Variants in NELL1 observed in about 807,000 individuals in gnomAD.
The protein encoded by NELL1 is protein kinase C-binding protein NELL1.
In NELL1, 76 loss-of-function variants were observed where a neutral mutation model predicts 107.4. The ratio of observed to expected loss-of-function variants is 0.71; its 90% CI spans 0.59 to 0.86. The LOEUF is 0.86. NELL1 is among the 40% of genes least tolerant of loss of function. The pLI is 0.00. For missense variants in NELL1, 1,024 were observed against 1,005.5 expected (o/e 1.02, Z -0.25); for synonymous variants, 353 against 341.2 (o/e 1.03, Z -0.38).
At chr11:20,765,315 C>T (rs185567106) in intron 2 of NELL1, among the ~76,000 whole-genome samples, 6 of 152,242 alleles carry the variant, frequency 3.9e-5, no homozygotes, top group Admixed American at 3.9e-4. Context: ...GAAGGGATTA[C>T]CAAGGATTAC....
intron 5 of NELL1, among the ~76,000 whole-genome samples, chr11:20,916,306 T>C (rs1413260120): frequency 6.6e-6 from 1 of 151,854 alleles, no homozygotes; most frequent in Non-Finnish European, 1.5e-5. Context: ...TAAGGAGAGA[T>C]GCCCATAGAG....
chr11:21,016,664 C>T (rs1267469575), intron 12 of NELL1, among the ~76,000 whole-genome samples: 2 of 152,102 alleles, frequency 1.3e-5, no homozygotes, highest in African/African-American at 2.4e-5. Flanking sequence ...CAGGTTACTG[C>T]CACATGTCCT....
At chr11:21,311,368 G>A (rs939758894) in intron 14 of NELL1, among the ~76,000 whole-genome samples, 2 of 151,950 alleles carry the variant, frequency 1.3e-5, no homozygotes, top group African/African-American at 2.4e-5. Context: ...CACATGCCTG[G>A]GAAAATAAGT....
At chr11:21,168,293 G>A (rs1450779050) in intron 13 of NELL1, among the ~76,000 whole-genome samples, 1 of 151,520 alleles carries the variant, frequency 6.6e-6, no homozygotes, top group African/African-American at 2.4e-5. Context: ...TCCACCTTTG[G>A]GTATCCGTGA....
At chr11:21,293,622 A>G (rs934368522) in intron 14 of NELL1, among the ~76,000 whole-genome samples, 1 of 152,216 alleles carries the variant, frequency 6.6e-6, no homozygotes, top group African/African-American at 2.4e-5. Context: ...CTATAAAGAC[A>G]CATGCACATG....
At chr11:21,100,167 G>A (rs1315364534) in intron 12 of NELL1, among the ~76,000 whole-genome samples, 1 of 151,864 alleles carries the variant, frequency 6.6e-6, no homozygotes, top group Non-Finnish European at 1.5e-5. Context: ...GAGACATGCA[G>A]CACCACGCCT....
intron 14 of NELL1, among the ~76,000 whole-genome samples, chr11:21,293,838 C>T (rs545236774): frequency 4.9e-4 from 74 of 152,136 alleles, no homozygotes; most frequent in African/African-American, 1.6e-3. Context: ...GAACAGAAAA[C>T]CAAACACCAC....
intron 14 of NELL1, among the ~76,000 whole-genome samples, chr11:21,288,326 C>G (rs1221987857): frequency 6.6e-6 from 1 of 152,170 alleles, no homozygotes; most frequent in East Asian, 1.9e-4. Context: ...GGCAGGCTGC[C>G]TCTGTTTCCT....
chr11:21,074,894 G>A (rs2134384903), intron 12 of NELL1, among the ~76,000 whole-genome samples: 1 of 152,300 alleles, frequency 6.6e-6, no homozygotes, highest in East Asian at 1.9e-4. Context: ...CTGTACGGAT[G>A]TGTGAGGCTA....
intron 12 of NELL1, among the ~76,000 whole-genome samples, chr11:20,975,111 C>A (rs574550406): frequency 6.6e-6 from 1 of 152,052 alleles, no homozygotes; most frequent in Non-Finnish European, 1.5e-5. Context: ...CAGGTTCAAG[C>A]GATTCTCCTG....
chr11:21,008,387 A>AT, intron 12 of NELL1, among the ~76,000 whole-genome samples: 1 of 152,254 alleles, frequency 6.6e-6, no homozygotes, highest in Non-Finnish European at 1.5e-5. Flanking sequence ...ATATCTAAGT[A>AT]TTTTGTCTGC....
At chr11:20,915,938 G>A (rs1850246425) in intron 5 of NELL1, among the ~76,000 whole-genome samples, 2 of 151,296 alleles carry the variant, frequency 1.3e-5, no homozygotes, top group South Asian at 2.1e-4. Flanking sequence ...ATAAATGTGT[G>A]TAGTCACATG....
In NELL1 at chr11:20,678,035, T is replaced by G. The variant is rs958979696; in HGVS notation, c.159T>G (p.Asn53Lys). 2 of 1,614,024 alleles carry G rather than the reference T, an allele frequency of 1.2e-6. No individual in the cohort carries two copies. Among genetic ancestry groups the G allele is most frequent in the Non-Finnish European group, 1.7e-6 (2 of 1,180,004 alleles). Residue 53 changes from asparagine to lysine, a missense_variant, in exon 2 of 20, where the codon AAT (asparagine) becomes AAG (lysine). Coordinates refer to ENST00000357134, the MANE Select transcript of NELL1 (RefSeq NM_006157.5). ...TTGCTCAGGTGTCTGGAATGCACAA[T>G]GCCAGCAAAGCATTTTTATTTCAAG... ...LGVAQVSGMH[N>K]ASKAFLFQDI...
intron 12 of NELL1, among the ~76,000 whole-genome samples, chr11:20,984,359 T>C (rs1851808814): frequency 6.6e-6 from 1 of 152,204 alleles, no homozygotes; most frequent in African/African-American, 2.4e-5. Flanking sequence ...TTGGCTTTAC[T>C]TCTTAATTGC....
intron 15 of NELL1, among the ~76,000 whole-genome samples, chr11:21,484,360 C>T (rs903240308): frequency 6.6e-6 from 1 of 151,698 alleles, no homozygotes; most frequent in Non-Finnish European, 1.5e-5. Flanking sequence ...AAAATATTGA[C>T]ATATACTATA....
chr11:21,528,590 A>T (rs914387205), intron 15 of NELL1, among the ~76,000 whole-genome samples: 16 of 138,788 alleles, frequency 1.2e-4, no homozygotes, highest in African/African-American at 3.8e-4. Flanking sequence ...CTAATCTTGG[A>T]CTTTTCAGTC....
At chr11:21,195,793 G>T (rs1033992382) in intron 13 of NELL1, among the ~76,000 whole-genome samples, 4 of 152,134 alleles carry the variant, frequency 2.6e-5, no homozygotes, top group Non-Finnish European at 5.9e-5. Context: ...GCCACATGAG[G>T]CTAGTGGCTG....
Position 21,482,445 on chromosome 11 carries a change from A to T in NELL1, c.1646-51929A>T, listed in dbSNP as rs143933424. 5.3e-3 allele frequency among the ~76,000 whole-genome samples: 810 copies of T among 152,248 alleles called. 5 individuals are homozygous for T. The highest frequency in any genetic ancestry group is 0.017 in the African/African-American group (693 of 41,554). The stretch of plus-strand genomic sequence containing the variant: ...TCCACTTATCATAGGATTTTTCCCA[A>T]ATTTGGATGCTGGTCACCCAGAATT... On this transcript the variant is annotated intron_variant, in intron 15 of 19. Coordinates refer to ENST00000357134, the MANE Select transcript of NELL1 (RefSeq NM_006157.5).
At chr11:21,513,574 A>T (rs1855491474) in intron 15 of NELL1, among the ~76,000 whole-genome samples, 1 of 152,188 alleles carries the variant, frequency 6.6e-6, no homozygotes, top group South Asian at 2.1e-4. Context: ...TCTCAAAGAC[A>T]TGCTTGAAAC....
Sources: gnomAD v4.1 joint callset for allele counts (sites outside exome capture counted in the v4.1 genomes callset) on GRCh38, gnomAD v4.1.1 for gene constraint, MANE v1.5 for transcripts, NCBI Gene and HGNC (gene_info 2026-07-23, HGNC 2026-07-21) for gene names.